Variants in DLGAP2 observed in about 807,000 individuals in gnomAD.
The protein encoded by DLGAP2 is DLG associated protein 2.
DLGAP2 carries 26 observed loss-of-function variants against 100.3 expected under a neutral mutation model. That is an observed-to-expected ratio of 0.26 (90% CI 0.19 to 0.36). The LOEUF (loss-of-function observed/expected upper bound fraction) is 0.36, where lower values mean the gene tolerates loss of function less well. DLGAP2 is among the 10% of genes least tolerant of loss of function. The pLI is 1.00. For synonymous variants in DLGAP2, 886 were observed against 630.1 expected, an observed-to-expected ratio of 1.41 and a Z score of -6.08; for missense variants, 1,858 against 1,453.2, an observed-to-expected ratio of 1.28 and a Z score of -4.53.
At chr8:831,128 C>T (rs868021658) in intron 1 of DLGAP2, among the ~76,000 whole-genome samples, 12 of 151,556 alleles carry the variant, frequency 7.9e-5, no homozygotes, top group South Asian at 2.1e-4. Flanking sequence ...GAACTCCTGA[C>T]ATCAGGTGAT....
At chr8:1,308,182 AC>A (rs1180116018) in intron 3 of DLGAP2, among the ~76,000 whole-genome samples, 1 of 152,202 alleles carries the variant, frequency 6.6e-6, no homozygotes, top group African/African-American at 2.4e-5. Context: ...GTGCCTCAGG[AC>A]AGAACGCCTG....
chr8:1,265,606 G>T (rs960198263), intron 3 of DLGAP2, among the ~76,000 whole-genome samples: 18 of 152,206 alleles, frequency 1.2e-4, no homozygotes, highest in African/African-American at 4.3e-4. Context: ...TTGATCTAAA[G>T]ACTCCTAAGA....
intron 2 of DLGAP2, among the ~76,000 whole-genome samples, chr8:1,180,915 G>T (rs1250475171): frequency 1.5e-5 from 2 of 137,262 alleles, no homozygotes; most frequent in Non-Finnish European, 3.1e-5. Flanking sequence ...GAGTGTGGGT[G>T]GCTGTGCAAG....
chr8:1,468,770 C>T (rs555218063), intron 3 of DLGAP2, among the ~76,000 whole-genome samples: 1 of 151,490 alleles, frequency 6.6e-6, no homozygotes, highest in African/African-American at 2.5e-5. Flanking sequence ...ATGGGCAGAG[C>T]TGCACTCCCA....
At chr8:1,089,458 G>T (rs1010739741) in intron 2 of DLGAP2, among the ~76,000 whole-genome samples, 2 of 152,142 alleles carry the variant, frequency 1.3e-5, no homozygotes, top group African/African-American at 4.8e-5. Context: ...GCCTGAATGG[G>T]CCCAGAGTCA....
intron 1 of DLGAP2, among the ~76,000 whole-genome samples, chr8:790,347 G>A (rs971700192): frequency 2.0e-5 from 3 of 152,188 alleles, no homozygotes; most frequent in Admixed American, 6.6e-5. Flanking sequence ...TGGAGATGAC[G>A]TAACCAAAAT....
chr8:1,430,027 T>TATATATATATACAC (rs1282725274), intron 3 of DLGAP2, among the ~76,000 whole-genome samples: 2 of 76,896 alleles, frequency 2.6e-5, no homozygotes, highest in African/African-American at 5.0e-5. Context: ...TATATATATA[T>TATATATATATACAC]ACACACACAC....
intron 1 of DLGAP2, among the ~76,000 whole-genome samples, chr8:754,796 C>G (rs988987281): frequency 6.6e-6 from 1 of 152,120 alleles, no homozygotes; most frequent in Non-Finnish European, 1.5e-5. Context: ...GAGCCACACA[C>G]GCCACTGCAC....
At chr8:1,371,456 G>C (rs1037054474) in intron 3 of DLGAP2, among the ~76,000 whole-genome samples, 1 of 152,200 alleles carries the variant, frequency 6.6e-6, no homozygotes, top group Non-Finnish European at 1.5e-5. Flanking sequence ...GGATGACTCA[G>C]GCTGGTGCTC....
intron 12 of DLGAP2, among the ~76,000 whole-genome samples, chr8:1,684,735 A>T (rs1799067954): frequency 1.8e-5 from 1 of 56,688 alleles, no homozygotes; most frequent in Admixed American, 1.8e-4. Context: ...AGATTTTTGT[A>T]TTATGTCAAA....
chr8:1,652,119 C>G (rs1037999348), intron 8 of DLGAP2, among the ~76,000 whole-genome samples: 3 of 152,170 alleles, frequency 2.0e-5, no homozygotes, highest in Admixed American at 6.6e-5. Flanking sequence ...GTGTTTCTTT[C>G]CTAAATGATT....
chr8:1,620,053 T>C (rs1797277419), intron 6 of DLGAP2, among the ~76,000 whole-genome samples: 1 of 152,136 alleles, frequency 6.6e-6, no homozygotes, highest in South Asian at 2.1e-4. Flanking sequence ...CATCCCCCCA[T>C]CCAAGAAAAC....
chr8:1,157,706 A>G (rs1257617727), intron 2 of DLGAP2, among the ~76,000 whole-genome samples: 1 of 152,216 alleles, frequency 6.6e-6, no homozygotes, highest in Non-Finnish European at 1.5e-5. Context: ...CTTAATAAAA[A>G]TAACACATGG....
At chr8:1,497,374 G>A (rs1237427099) in intron 3 of DLGAP2, among the ~76,000 whole-genome samples, 1 of 152,204 alleles carries the variant, frequency 6.6e-6, no homozygotes. Context: ...GCTAGGTGGA[G>A]GAAGCTTACG....
intron 2 of DLGAP2, among the ~76,000 whole-genome samples, chr8:1,144,518 T>G (rs1283484736): frequency 1.3e-5 from 2 of 152,210 alleles, no homozygotes; most frequent in African/African-American, 4.8e-5. Context: ...AAACAAAAGA[T>G]TCTTGCTTTG....
At chr8:1,305,903 G>A (rs372683527) in intron 3 of DLGAP2, among the ~76,000 whole-genome samples, 1 of 151,840 alleles carries the variant, frequency 6.6e-6, no homozygotes, top group African/African-American at 2.4e-5. Context: ...TTTATAAATG[G>A]GATTATTTTC....
intron 1 of DLGAP2, among the ~76,000 whole-genome samples, chr8:879,461 A>C (rs1797744434): frequency 6.6e-6 from 1 of 152,204 alleles, no homozygotes; most frequent in South Asian, 2.1e-4. Flanking sequence ...GTTGAGCGCT[A>C]GGCTCAGTTT....
chr8:1,616,570 A>C (rs1797161403), intron 6 of DLGAP2, among the ~76,000 whole-genome samples: 2 of 152,230 alleles, frequency 1.3e-5, no homozygotes, highest in South Asian at 4.1e-4. Flanking sequence ...AATGGGAGCC[A>C]GAAGACAATG....
intron 4 of DLGAP2, among the ~76,000 whole-genome samples, chr8:1,522,396 G>A (rs949676174): frequency 2.0e-5 from 3 of 152,182 alleles, no homozygotes; most frequent in Non-Finnish European, 4.4e-5. Context: ...CGGGGCCCAG[G>A]GCATCACACC....
Sources: allele counts gnomAD v4.1 joint callset (sites outside exome capture counted in the v4.1 genomes callset), GRCh38; gene constraint gnomAD v4.1.1; transcripts MANE v1.5; gene names NCBI Gene and HGNC (gene_info 2026-07-23, HGNC 2026-07-21).